The following AGPAT4 variants were observed in gnomAD, a reference collection of about 807,000 sequenced individuals.
AGPAT4 encodes 1-acylglycerol-3-phosphate O-acyltransferase 4.
In AGPAT4, 15 loss-of-function variants were observed where a neutral mutation model predicts 48.0. The observed-to-expected ratio is 0.31, with a 90% CI of 0.21 to 0.48. The LOEUF is 0.48. AGPAT4 is among the 20% of genes least tolerant of loss of function. The pLI is 0.99. For synonymous variants in AGPAT4, 178 were observed against 198.7 expected, an observed-to-expected ratio of 0.90 and a Z score of 0.88; for missense variants, 314 against 482.5, an observed-to-expected ratio of 0.65 and a Z score of 3.27.
intron 2 of AGPAT4, among the ~76,000 whole-genome samples, chr6:161,175,230 C>T (rs1041111182): frequency 6.6e-6 from 1 of 152,178 alleles, no homozygotes; most frequent in African/African-American, 2.4e-5. Context: ...ATGGTACCAG[C>T]TCCTCTTTGT....
chr6:161,250,198 G>A (rs1400731187), intron 1 of AGPAT4, among the ~76,000 whole-genome samples: 1 of 152,180 alleles, frequency 6.6e-6, no homozygotes. Context: ...TCAGATGGCG[G>A]AGGGTGGGAG....
rs928143654 is a variant in AGPAT4 at position 161,206,642 on chromosome 6, G to C, written c.178+25394C>G. Among the ~76,000 whole-genome samples, 4 of 152,064 alleles carry C rather than the reference G, an allele frequency of 2.6e-5. No individual in the cohort carries two copies. Among genetic ancestry groups the C allele is most frequent in the Non-Finnish European group, 5.9e-5 (4 of 68,030 alleles). The stretch of plus-strand genomic sequence containing the variant: ...CCAAGATACAATTGAAAAATCACTT[G>C]ACATGCCAAGGACCAGGAAAATCAC... On this transcript the variant is annotated intron_variant, in intron 2 of 8. Coordinates refer to ENST00000320285, the MANE Select transcript of AGPAT4 (RefSeq NM_020133.3). This position sits in a 1 kb window ranked among gnomAD's most constrained non-coding sequence, Gnocchi z 4.8.
Position 161,144,293 on chromosome 6 carries a change from C to T in AGPAT4, c.843+2231G>A. The T allele has an allele frequency of 2.2e-6, 1 of 456,208 alleles. No individual in the cohort carries two copies. 28.3% of individuals were successfully genotyped at this position (456,208 alleles called of 1,614,324 possible). ...TGCACGGAGAGAGAAAGGGCCTGGACTCCAGCACCTGGCTTTGATCAGTGA... is the reference window on the plus strand; with the variant it reads ...TGCACGGAGAGAGAAAGGGCCTGGATTCCAGCACCTGGCTTTGATCAGTGA... On this transcript the variant is annotated intron_variant, in intron 7 of 8. Coordinates refer to ENST00000320285, the MANE Select transcript of AGPAT4 (RefSeq NM_020133.3). The surrounding 1 kb of genome is among the most constrained non-coding windows in gnomAD (Gnocchi z 6.6).
At chr6:161,209,315 T>A (rs1781463466) in intron 2 of AGPAT4, among the ~76,000 whole-genome samples, 1 of 152,172 alleles carries the variant, frequency 6.6e-6, no homozygotes, top group Non-Finnish European at 1.5e-5. Context: ...CACCAACAGC[T>A]GTGACACTGT....
rs1476034268 is a variant in AGPAT4 at position 161,171,813 on chromosome 6, T to C, written c.179-5396A>G. ...TACTCGGGAGTCTGAGGCAGGAGAA[T>C]GGCATGAACCCAGGAGGCTGCACTT... On this transcript the variant is annotated intron_variant, in intron 2 of 8. Coordinates refer to ENST00000320285, the MANE Select transcript of AGPAT4 (RefSeq NM_020133.3). The surrounding 1 kb of genome is among the most constrained non-coding windows in gnomAD (Gnocchi z 4.4). 6.6e-6 allele frequency among the ~76,000 whole-genome samples: 1 copy of C among 151,540 alleles called. No homozygotes were observed. The highest frequency in any genetic ancestry group is 1.5e-5 in the Non-Finnish European group (1 of 67,982).
At chr6:161,224,852 T>C (rs989835523) in intron 2 of AGPAT4, among the ~76,000 whole-genome samples, 1 of 152,234 alleles carries the variant, frequency 6.6e-6, no homozygotes, top group African/African-American at 2.4e-5. Flanking sequence ...CTCATTTCAT[T>C]GGTCCAGTTA....
Position 161,202,144 on chromosome 6 carries a change from C to A in AGPAT4, c.178+29892G>T, listed in dbSNP as rs1024827985. On this transcript the variant is annotated intron_variant, in intron 2 of 8. Transcript: ENST00000320285. The surrounding 1 kb of genome is among the most constrained non-coding windows in gnomAD (Gnocchi z 5.4). Reference sequence around the variant, plus strand: ...ATTGCTCATAACCAAAATATGATGGCCCAAAATAACAAAAACACTTATTAT... The same window carrying A: ...ATTGCTCATAACCAAAATATGATGGACCAAAATAACAAAAACACTTATTAT... Among the ~76,000 whole-genome samples the A allele has an allele frequency of 6.6e-6, 1 of 152,074 alleles. No individual in the cohort carries two copies. Among genetic ancestry groups the A allele is most frequent in the African/African-American group, 2.4e-5 (1 of 41,394 alleles).
In AGPAT4 at chr6:161,171,690, C is replaced by A. The variant is rs537207607; in HGVS notation, c.179-5273G>T. 1.3e-5 allele frequency among the ~76,000 whole-genome samples: 2 copies of A among 151,744 alleles called. No individual in the cohort carries two copies. Among genetic ancestry groups the A allele is most frequent in the East Asian group, 3.9e-4 (2 of 5,176 alleles). ...AGATCACAAGGTCAGGAGATCGAGA[C>A]CATCCTGGCTAACACAGTGAAACCC... On this transcript the variant is annotated intron_variant, in intron 2 of 8. Coordinates refer to ENST00000320285, the MANE Select transcript of AGPAT4 (RefSeq NM_020133.3). This position sits in a 1 kb window ranked among gnomAD's most constrained non-coding sequence, Gnocchi z 4.4.
chr6:161,196,757 C>T lies in AGPAT4; in HGVS notation c.179-30340G>A, dbSNP rs376511338. ...CTGGGAGGCGGAGATTGCAGTGAGC[C>T]GAGATCGTGCTACTGTACTCCAGCC... is the stretch of plus-strand genomic sequence containing the variant. On this transcript the variant is annotated intron_variant, in intron 2 of 8. Coordinates refer to ENST00000320285, the MANE Select transcript of AGPAT4 (RefSeq NM_020133.3). The surrounding 1 kb of genome is among the most constrained non-coding windows in gnomAD (Gnocchi z 4.3). Among the ~76,000 whole-genome samples, 16 of 149,784 alleles carry T rather than the reference C, an allele frequency of 1.1e-4. No individual in the cohort carries two copies. Among genetic ancestry groups the T allele is most frequent in the African/African-American group, 3.7e-4 (15 of 40,546 alleles).
chr6:161,268,479 C>A (rs1244804089), intron 1 of AGPAT4, among the ~76,000 whole-genome samples: 1 of 152,184 alleles, frequency 6.6e-6, no homozygotes, highest in Middle Eastern at 3.2e-3. Context: ...CTCCAACAGG[C>A]CCTGGTGTGT....
Position 161,198,700 on chromosome 6 carries a change from C to T in AGPAT4, c.179-32283G>A, listed in dbSNP as rs1454217764. 2.6e-5 allele frequency among the ~76,000 whole-genome samples: 4 copies of T among 152,188 alleles called. No homozygotes were observed. The South Asian group carries it at 8.3e-4, about 32-fold the overall frequency. On this transcript the variant is annotated intron_variant, in intron 2 of 8. Transcript: ENST00000320285. This position sits in a 1 kb window ranked among gnomAD's most constrained non-coding sequence, Gnocchi z 4.3. ...ATGGTTGTTATTAGGTTTAAATAAG[C>T]TCACATGTAGAAGGAACTCCGCAGA...
chr6:161,227,071 A>T (rs1288627858), intron 2 of AGPAT4, among the ~76,000 whole-genome samples: 1 of 152,242 alleles, frequency 6.6e-6, no homozygotes, highest in Non-Finnish European at 1.5e-5. Context: ...GTCAGCTAGC[A>T]GTCACACACC....
In AGPAT4 at chr6:161,232,225, G is replaced by A. The variant is rs140087709; in HGVS notation, c.-12C>T. 82 of 1,607,780 alleles carry A rather than the reference G, an allele frequency of 5.1e-5. 2 individuals are homozygous for A. The East Asian group carries it at 1.4e-3, about 27-fold the overall frequency. On this transcript the variant is annotated 5_prime_UTR_variant, in exon 2 of 9. Transcript: ENST00000320285. This position sits in a 1 kb window ranked among gnomAD's most constrained non-coding sequence, Gnocchi z 6.8. ...CCCGCGAGGTCCATGATGCGTGGAC[G>A]CTCTTATTCAGAAATAAATAACTAC...
Position 161,139,456 on chromosome 6 carries a change from C to T in AGPAT4, c.1008G>A (p.Leu336=). The T allele has an allele frequency of 6.2e-7, 1 of 1,614,104 alleles. No homozygotes were observed. The highest frequency in any genetic ancestry group is 8.5e-7 in the Non-Finnish European group (1 of 1,180,002). Residue 336 remains leucine, a synonymous_variant, in exon 8 of 9, where the codon CTG becomes CTA. Transcript: ENST00000320285. This position sits in a 1 kb window ranked among gnomAD's most constrained non-coding sequence, Gnocchi z 9.1. ...AGACGAGGATGAAGCTGGCCAGCGT[C>T]AGGGAAGACCCGCTCCTGATCATGC... ...LVSMIRSGSS[L]TLASFILVFF... is the part of the protein sequence containing the mutation.
rs1355795708 is a variant in AGPAT4 at position 161,158,385 on chromosome 6, G to A, written c.349-4075C>T. 6.6e-6 allele frequency among the ~76,000 whole-genome samples: 1 copy of A among 152,196 alleles called. No homozygotes were observed. Among genetic ancestry groups the A allele is most frequent in the Admixed American group, 6.5e-5 (1 of 15,284 alleles). The stretch of plus-strand genomic sequence containing the variant: ...TTCTGGATTTATTTCACAGGTCAAC[G>A]TGAAAGGATTTACTGATGAGTTAGA... On this transcript the variant is annotated intron_variant, in intron 3 of 8. Coordinates refer to ENST00000320285, the MANE Select transcript of AGPAT4 (RefSeq NM_020133.3). This position sits in a 1 kb window ranked among gnomAD's most constrained non-coding sequence, Gnocchi z 5.3.
Position 161,149,107 on chromosome 6 carries a change from A to G in AGPAT4, c.767+80T>C, listed in dbSNP as rs1254697444. 1 of 1,520,206 alleles carries G rather than the reference A, an allele frequency of 6.6e-7. No individual in the cohort carries two copies. The highest frequency in any genetic ancestry group is 1.3e-5 in the South Asian group (1 of 75,806). 94.2% of individuals were successfully genotyped at this position (1,520,206 alleles called of 1,614,324 possible). The stretch of plus-strand genomic sequence containing the variant: ...TCAGTGTGACCCAGGGATCCCTGGA[A>G]GAAAGTCTCTAGGTCATTTGTGATG... On this transcript the variant is annotated intron_variant, in intron 6 of 8. Coordinates refer to ENST00000320285, the MANE Select transcript of AGPAT4 (RefSeq NM_020133.3). The surrounding 1 kb of genome is among the most constrained non-coding windows in gnomAD (Gnocchi z 6.5).
chr6:161,241,228 A>G (rs897883006), intron 1 of AGPAT4, among the ~76,000 whole-genome samples: 1 of 144,108 alleles, frequency 6.9e-6, no homozygotes, highest in African/African-American at 2.6e-5. Flanking sequence ...GCGCCATTGC[A>G]CTCCAGCCTA....
rs1203044975 is a variant in AGPAT4 at position 161,133,197 on chromosome 6, C to G, written c.*3343G>C. 6.6e-6 allele frequency: 1 copy of G among 152,178 alleles called. No individual in the cohort carries two copies. The highest frequency in any genetic ancestry group is 1.5e-5 in the Non-Finnish European group (1 of 68,050). The allele number at this position is 152,178 out of a possible 1,614,324, so 9.4% of individuals were successfully genotyped here. On this transcript the variant is annotated 3_prime_UTR_variant, in exon 9 of 9. Coordinates refer to ENST00000320285, the MANE Select transcript of AGPAT4 (RefSeq NM_020133.3). ...CCATTCTGTTTTGCTTGGGGACCAG[C>G]CAGACCACTCCTCCACTCCAGTGGG...
chr6:161,170,464 TGC>T (rs143568421), intron 2 of AGPAT4, among the ~76,000 whole-genome samples: 38,661 of 137,372 alleles, frequency 0.28, 5,208 homozygotes, highest in East Asian at 0.45. Context: ...CGTGCACACG[TGC>T]GCGCGCGCAC....
Sources: allele counts gnomAD v4.1 joint callset (sites outside exome capture counted in the v4.1 genomes callset), GRCh38; gene constraint gnomAD v4.1.1; non-coding constraint Gnocchi (gnomAD v3.1); transcripts MANE v1.5; gene names NCBI Gene and HGNC (gene_info 2026-07-23, HGNC 2026-07-21).